The following GSK3B variants were observed in gnomAD, a reference collection of about 807,000 sequenced individuals.
The protein encoded by GSK3B is glycogen synthase kinase-3 beta.
GSK3B carries 15 observed loss-of-function variants against 56.4 expected under a neutral mutation model. That is an observed-to-expected ratio of 0.27 (90% CI 0.18 to 0.41). GSK3B has a LOEUF of 0.41. Ranked by LOEUF, GSK3B falls within the 10% of genes least tolerant of loss-of-function variation. GSK3B has a pLI of 1.00. For missense variants in GSK3B, 300 were observed against 513.4 expected, an observed-to-expected ratio of 0.58 and a Z score of 4.02; for synonymous variants, 181 against 188.9, an observed-to-expected ratio of 0.96 and a Z score of 0.34.
At chr3:120,037,601 C>T (rs1056504499) in intron 1 of GSK3B, among the ~76,000 whole-genome samples, 7 of 151,004 alleles carry the variant, frequency 4.6e-5, no homozygotes, top group African/African-American at 1.7e-4. Flanking sequence ...AGGGAGAGAC[C>T]CTATTTCAAA....
At chr3:119,980,907 T>C (rs1195613962) in intron 2 of GSK3B, among the ~76,000 whole-genome samples, 1 of 152,200 alleles carries the variant, frequency 6.6e-6, no homozygotes. Flanking sequence ...AAGAGATGTT[T>C]ACAAGTCAGA....
At chr3:119,849,977 C>T (rs964707057) in intron 9 of GSK3B, among the ~76,000 whole-genome samples, 3 of 151,802 alleles carry the variant, frequency 2.0e-5, no homozygotes, top group South Asian at 2.1e-4. Flanking sequence ...CTTATAATAC[C>T]GAATACAATG....
At chr3:119,987,876 C>A (rs1295870570) in intron 2 of GSK3B, among the ~76,000 whole-genome samples, 1 of 152,038 alleles carries the variant, frequency 6.6e-6, no homozygotes, top group East Asian at 1.9e-4. Flanking sequence ...ATATGTGTTC[C>A]AAAGTTATGG....
chr3:119,851,610 T>C (rs1232815598), intron 9 of GSK3B, among the ~76,000 whole-genome samples: 1 of 152,192 alleles, frequency 6.6e-6, no homozygotes, highest in Non-Finnish European at 1.5e-5. Flanking sequence ...AGTGATGTAA[T>C]AAAATACTTA....
chr3:119,859,488 C>G (rs866294413), intron 9 of GSK3B, among the ~76,000 whole-genome samples: 1 of 152,148 alleles, frequency 6.6e-6, no homozygotes, highest in Non-Finnish European at 1.5e-5. Flanking sequence ...TAGCCTACTG[C>G]TTTCAAATGA....
chr3:119,830,458 T>TG (rs200065537), intron 10 of GSK3B, among the ~76,000 whole-genome samples: 2,377 of 152,372 alleles, frequency 0.016, 25 homozygotes, highest in South Asian at 0.039. Context: ...GTGTAATTTC[T>TG]GTAACTTTTC....
At chr3:120,073,826 A>T (rs2107567224) in intron 1 of GSK3B, among the ~76,000 whole-genome samples, 1 of 152,340 alleles carries the variant, frequency 6.6e-6, no homozygotes, top group South Asian at 2.1e-4. Context: ...GATGAAAATT[A>T]AATAAGATAC....
rs148307011 is a variant in GSK3B at position 119,865,354 on chromosome 3, T to G, written c.910-1749A>C. Among the ~76,000 whole-genome samples the G allele has an allele frequency of 1.1e-3, 163 of 149,134 alleles. 3 individuals carry two copies. In the East Asian group the frequency reaches 0.029, roughly 26 times the overall value. On this transcript the variant is annotated intron_variant, in intron 8 of 10. Transcript: ENST00000264235. ...AAATGTAGGATGGCTGGATGCTGAG[T>G]TATTTTAAATAAAAAAATTTCTTAT...
At chr3:119,998,003 A>C (rs1469874912) in intron 2 of GSK3B, among the ~76,000 whole-genome samples, 2 of 152,264 alleles carry the variant, frequency 1.3e-5, no homozygotes, top group African/African-American at 4.8e-5. Context: ...GACATTATTT[A>C]TAAGCAAGAT....
intron 1 of GSK3B, among the ~76,000 whole-genome samples, chr3:120,060,832 T>C (rs993985970): frequency 1.3e-5 from 2 of 152,206 alleles, no homozygotes; most frequent in Non-Finnish European, 2.9e-5. Flanking sequence ...AAGTTTCAAC[T>C]GGGAAAAAGA....
chr3:120,091,810 C>A (rs924847757), intron 1 of GSK3B, among the ~76,000 whole-genome samples: 1 of 151,398 alleles, frequency 6.6e-6, no homozygotes, highest in Non-Finnish European at 1.5e-5. Flanking sequence ...GCATTCTCTA[C>A]TTGCAAGCCA....
intron 4 of GSK3B, among the ~76,000 whole-genome samples, chr3:119,921,662 A>G (rs2056841202): frequency 6.6e-6 from 1 of 152,208 alleles, no homozygotes; most frequent in African/African-American, 2.4e-5. Context: ...CCTATGGATT[A>G]AAAGAAACAT....
At chr3:119,891,202 T>TA (rs1170288216) in intron 7 of GSK3B, among the ~76,000 whole-genome samples, 2 of 151,144 alleles carry the variant, frequency 1.3e-5, no homozygotes, top group Non-Finnish European at 2.9e-5. Context: ...GGCAAATGAG[T>TA]AAAAAGTACA....
intron 2 of GSK3B, among the ~76,000 whole-genome samples, chr3:119,954,943 T>G (rs1458996825): frequency 1.3e-5 from 2 of 152,198 alleles, no homozygotes; most frequent in African/African-American, 4.8e-5. Flanking sequence ...TGTGGGTGTA[T>G]GATGGGCAGC....
intron 7 of GSK3B, among the ~76,000 whole-genome samples, chr3:119,879,037 T>TA (rs1487856634): frequency 2.0e-5 from 3 of 152,322 alleles, no homozygotes; most frequent in Admixed American, 2.0e-4. Flanking sequence ...TGTGCAGTTT[T>TA]AAAAAATATT....
chr3:119,918,246 G>A (rs529086909), intron 4 of GSK3B, among the ~76,000 whole-genome samples: 58 of 152,094 alleles, frequency 3.8e-4, no homozygotes, highest in African/African-American at 1.3e-3. Context: ...CAAGGCAGGC[G>A]GGTTGCCTGA....
intron 10 of GSK3B, among the ~76,000 whole-genome samples, chr3:119,837,910 T>C (rs986804836): frequency 6.8e-6 from 1 of 146,114 alleles, no homozygotes; most frequent in East Asian, 2.0e-4. Context: ...TTTATATATA[T>C]AAATGTTGAA....
intron 8 of GSK3B, chr3:119,866,535 C>T (rs1217904277): frequency 8.3e-6 from 9 of 1,084,464 alleles, no homozygotes; most frequent in Non-Finnish European, 1.3e-5. Context: ...GAAGATTTCC[C>T]CCAAGTTTTA....
intron 2 of GSK3B, among the ~76,000 whole-genome samples, chr3:119,960,019 C>G (rs1457698187): frequency 6.6e-6 from 1 of 151,942 alleles, no homozygotes; most frequent in Non-Finnish European, 1.5e-5. Flanking sequence ...GAATAGCCCC[C>G]AGATGTCACT....
Sources: allele counts gnomAD v4.1 joint callset (sites outside exome capture counted in the v4.1 genomes callset), GRCh38; gene constraint gnomAD v4.1.1; transcripts MANE v1.5; gene names NCBI Gene and HGNC (gene_info 2026-07-23, HGNC 2026-07-21).